The following ANKRD42 variants were observed in gnomAD, a reference collection of about 807,000 sequenced individuals.
ANKRD42 encodes ankyrin repeat domain-containing protein 42.
In ANKRD42, 43 loss-of-function variants were observed where a neutral mutation model predicts 51.5. That is an observed-to-expected ratio of 0.83 (90% CI 0.65 to 1.08). ANKRD42 has a LOEUF of 1.08. Ranked by LOEUF, ANKRD42 falls within the 50% of genes least tolerant of loss-of-function variation. ANKRD42 has a pLI of 0.00. For synonymous variants in ANKRD42, 203 were observed against 213.0 expected, an observed-to-expected ratio of 0.95 and a Z score of 0.41; for missense variants, 608 against 629.3, an observed-to-expected ratio of 0.97 and a Z score of 0.36.
chr11:83,254,433 TTC>T lies in ANKRD42; in HGVS notation c.1465-1410_1465-1409del, dbSNP rs769021908. Among the ~76,000 whole-genome samples, 53 of 128,158 alleles carry T rather than the reference TTC, an allele frequency of 4.1e-4. 5 individuals carry two copies. The highest frequency in any genetic ancestry group is 9.2e-4 in the African/African-American group (27 of 29,356). The allele number at this position is 128,158 out of a possible 152,430, so 84.1% of individuals were successfully genotyped here. ...CACCTGAGTGTTTTTCTTTTTTCTT[TTC>T]TTTTTTTTTTTTTTGAGACAGGGTC... On this transcript the variant is annotated intron_variant, in intron 11 of 11. Coordinates refer to the ANKRD42 transcript ENST00000260047.
chr11:83,263,668 C>T (rs970636019), downstream of ANKRD42, among the ~76,000 whole-genome samples: 1 of 152,124 alleles, frequency 6.6e-6, no homozygotes, highest in Non-Finnish European at 1.5e-5. Context: ...AGACTCCTTT[C>T]TGAGGATTTT....
At chr11:83,261,820 A>T (rs552628241), downstream of ANKRD42, 48 of 874,410 alleles carry the variant, frequency 5.5e-5, no homozygotes, top group Admixed American at 7.8e-4. Flanking sequence ...TTGTGTAGTA[A>T]ATTTTTGCTG....
chr11:83,248,166 G>T lies in ANKRD42; in HGVS notation c.1546G>T (p.Gly516Cys), dbSNP rs1335602391. 8 of 1,531,376 alleles carry T rather than the reference G, an allele frequency of 5.2e-6. No individual in the cohort carries two copies. The highest frequency in any genetic ancestry group is 6.1e-6 in the Non-Finnish European group (7 of 1,141,646). The allele number at this position is 1,531,376 out of a possible 1,614,324, so 94.9% of individuals were successfully genotyped here. A position where few individuals can be genotyped will look rare whatever the true frequency, so the allele number is the denominator to read the frequency against. ...EWPRVQALGWGSLDLNPGYSL... is the reference protein window; with the variant it reads ...EWPRVQALGWCSLDLNPGYSL... ...GCCAAGAGTACAAGCTTTGGGCTGG[G>T]GCTCTTTGGACTTGAATCCTGGCTA... The change falls in exon 11 of 11, where the codon GGC (glycine) becomes TGC (cysteine). Residue 516 changes from glycine to cysteine, a missense_variant. Transcript: ENST00000533342.
At position 83,198,494 on chromosome 11, in the gene ANKRD42, T is replaced by G. The variant is rs754328040; in HGVS notation, c.74T>G (p.Val25Gly). The stretch of plus-strand genomic sequence containing the variant: ...TTTTCAATAGGTTCCAGGAAGAAGG[T>G]GCATTTTGGCAGCATACATGATGCA... The part of the protein sequence containing the change: ...ETANPCSRKK[V>G]HFGSIHDAVR... Residue 25 changes from valine (V) to glycine (G), a missense_variant, in exon 2 of 11, where the codon GTG (valine) becomes GGG (glycine). Transcript: ENST00000533342. 1 of 1,612,484 alleles carries G rather than the reference T, an allele frequency of 6.2e-7. No homozygotes were observed. The highest frequency in any genetic ancestry group is 1.1e-5 in the South Asian group (1 of 90,822).
At chr11:83,261,301 A>C (rs571008021), downstream of ANKRD42, 1 of 152,142 alleles carries the variant, frequency 6.6e-6, no homozygotes, top group East Asian at 1.9e-4. Flanking sequence ...TCCTGACCTC[A>C]AGTGATCCAC....
intron 1 of ANKRD42, among the ~76,000 whole-genome samples, chr11:83,196,730 G>C (rs1224332687): frequency 2.0e-5 from 3 of 152,154 alleles, no homozygotes; most frequent in Admixed American, 2.0e-4. Context: ...CCTTATGGTA[G>C]ACACCAGACT....
chr11:83,245,970 C>G (rs754612672), intron 10 of ANKRD42, among the ~76,000 whole-genome samples: 10 of 152,190 alleles, frequency 6.6e-5, no homozygotes, highest in Non-Finnish European at 1.3e-4. Context: ...ATTCATAAAT[C>G]TGAGACTAGG....
chr11:83,214,366 A>T lies in ANKRD42; in HGVS notation c.586+2936A>T, dbSNP rs1000597962. ...CCTAGAACTGACTTTTCCGTGTGTA[A>T]TACAAGGTAGGGGTCAGTTTTATTT... is the stretch of plus-strand genomic sequence containing the variant. On this transcript the variant is annotated intron_variant, in intron 5 of 10. Transcript: ENST00000533342. The T allele has an allele frequency of 7.3e-5, 68 of 933,658 alleles. No homozygotes were observed. In the African/African-American group the frequency reaches 1.1e-3, roughly 15 times the overall value. 57.8% of individuals were successfully genotyped at this position (933,658 alleles called of 1,614,324 possible).
At chr11:83,257,323 A>G (rs1863791418), downstream of ANKRD42, 1 of 455,860 alleles carries the variant, frequency 2.2e-6, no homozygotes. Flanking sequence ...GGGAGACAGG[A>G]GCCACAGAGC....
chr11:83,245,589 T>C lies in ANKRD42; in HGVS notation c.1287T>C (p.Asp429=), dbSNP rs748045580. 2.0e-6 allele frequency: 3 copies of C among 1,536,534 alleles called. No homozygotes were observed. The highest frequency in any genetic ancestry group is 1.4e-5 in the African/African-American group (1 of 73,024). ...YKHLGGITEE[D]LKQKKEQLES... ...ACTTGGGAGGCATAACAGAAGAAGA[T>C]TTAAAGCAGAAGAAAGAACAGCTTG... is the stretch of plus-strand genomic sequence containing the variant. Residue 429 remains aspartate, a synonymous_variant, in exon 10 of 11, where the codon GAT becomes GAC. Coordinates refer to ENST00000533342, the MANE Select transcript of ANKRD42 (RefSeq NM_001300975.2).
At chr11:83,212,786 T>C (rs1341722523) in intron 5 of ANKRD42, 32 of 1,507,426 alleles carry the variant, frequency 2.1e-5, no homozygotes, top group Non-Finnish European at 2.7e-5. Context: ...ATTTTGTTTT[T>C]TTCTGAAGGT....
Position 83,242,567 on chromosome 11 carries a change from G to GTTTTTTTTT in ANKRD42, c.1195+1643_1195+1651dup, listed in dbSNP as rs539259244. ...GGGGAATTCGGTGAATGGTAGTTAA[G>GTTTTTTTTT]TTTTTTTTTTTTTTTTTTAGATGGA... On this transcript the variant is annotated intron_variant, in intron 9 of 10. Transcript: ENST00000533342. Among the ~76,000 whole-genome samples, 48 of 115,532 alleles carry GTTTTTTTTT rather than the reference G, an allele frequency of 4.2e-4. 1 individual carries two copies. The highest frequency in any genetic ancestry group is 1.4e-3 in the African/African-American group (41 of 28,912). The allele number at this position is 115,532 out of a possible 152,430, so 75.8% of individuals were successfully genotyped here. A position where few individuals can be genotyped will look rare whatever the true frequency, so the allele number is the denominator to read the frequency against.
At chr11:83,232,101 C>CTTT (rs59648047) in intron 7 of ANKRD42, among the ~76,000 whole-genome samples, 1 of 140,530 alleles carries the variant, frequency 7.1e-6, no homozygotes, top group Non-Finnish European at 1.5e-5. Flanking sequence ...TAAATTTTAG[C>CTTT]TTTTTTTTTT....
chr11:83,262,511 C>T (rs551057052), downstream of ANKRD42, among the ~76,000 whole-genome samples: 25 of 152,210 alleles, frequency 1.6e-4, no homozygotes, highest in African/African-American at 5.5e-4. Context: ...TGTACTTTAG[C>T]TTACATCATT....
chr11:83,223,831 T>A (rs1239300818), intron 5 of ANKRD42, among the ~76,000 whole-genome samples: 1 of 152,192 alleles, frequency 6.6e-6, no homozygotes, highest in African/African-American at 2.4e-5. Context: ...TGCCTCTCCA[T>A]AATCAAGATA....
intron 7 of ANKRD42, among the ~76,000 whole-genome samples, chr11:83,231,399 A>G (rs971397965): frequency 6.6e-6 from 1 of 152,150 alleles, no homozygotes; most frequent in Non-Finnish European, 1.5e-5. Context: ...CCCATTTAAA[A>G]ATCAGATTAT....
chr11:83,210,635 T>C (rs530590902), intron 4 of ANKRD42, among the ~76,000 whole-genome samples: 82 of 152,354 alleles, frequency 5.4e-4, no homozygotes, highest in African/African-American at 1.9e-3. Context: ...TATTACAAAG[T>C]ACTTGAGAGG....
chr11:83,233,118 T>G (rs1863128039), intron 7 of ANKRD42, among the ~76,000 whole-genome samples: 1 of 151,604 alleles, frequency 6.6e-6, no homozygotes, highest in South Asian at 2.1e-4. Context: ...AAGTATTCCC[T>G]TCCCTTCTAT....
chr11:83,211,753 G>T (rs1862329872), intron 5 of ANKRD42, among the ~76,000 whole-genome samples: 1 of 152,070 alleles, frequency 6.6e-6, no homozygotes, highest in Non-Finnish European at 1.5e-5. Context: ...AGTGAGCTGT[G>T]ATTGCACCAC....
Sources: allele counts gnomAD v4.1 joint callset (sites outside exome capture counted in the v4.1 genomes callset), GRCh38; gene constraint gnomAD v4.1.1; transcripts MANE v1.5; gene names NCBI Gene and HGNC (gene_info 2026-07-23, HGNC 2026-07-21).